The following TMPRSS11D variants were observed in gnomAD, a reference collection of about 807,000 sequenced individuals.
TMPRSS11D encodes the protein transmembrane protease serine 11D.
Under a neutral mutation model 44.4 loss-of-function variants are expected in TMPRSS11D, and 32 were observed. The observed-to-expected ratio is 0.72, with a 90% CI of 0.54 to 0.97. The LOEUF is 0.97. TMPRSS11D is among the 50% of genes least tolerant of loss of function. The probability of loss-of-function intolerance (pLI) is 0.00; values close to 1 mark genes in which losing one functional copy is unlikely to be tolerated. For synonymous variants in TMPRSS11D, 179 were observed against 177.9 expected (o/e 1.01, Z -0.05); for missense variants, 446 against 502.6 (o/e 0.89, Z 1.08).
At chr4:67,859,897 G>A (rs1718754670) in intron 1 of TMPRSS11D, among the ~76,000 whole-genome samples, 1 of 151,986 alleles carries the variant, frequency 6.6e-6, no homozygotes, top group Admixed American at 6.6e-5. Flanking sequence ...TGAAATTCAA[G>A]TAGTCTGATG....
At chr4:67,869,024 T>C (rs2109697906) in intron 1 of TMPRSS11D, among the ~76,000 whole-genome samples, 2 of 152,348 alleles carry the variant, frequency 1.3e-5, no homozygotes, top group Middle Eastern at 6.8e-3. Context: ...AGATTGAGCT[T>C]GCGTGACTGG....
chr4:67,836,919 C>A (rs1718104484), intron 5 of TMPRSS11D, among the ~76,000 whole-genome samples: 1 of 152,088 alleles, frequency 6.6e-6, no homozygotes, highest in South Asian at 2.1e-4. Flanking sequence ...AAATCCTACC[C>A]ATATTTCAAA....
At chr4:67,864,523 G>C (rs1718871675) in intron 1 of TMPRSS11D, among the ~76,000 whole-genome samples, 1 of 151,818 alleles carries the variant, frequency 6.6e-6, no homozygotes, top group Non-Finnish European at 1.5e-5. Context: ...CAATATGACA[G>C]AACTCCACCA....
intron 1 of TMPRSS11D, among the ~76,000 whole-genome samples, chr4:67,875,078 G>T (rs1256132411): frequency 6.6e-6 from 1 of 152,134 alleles, no homozygotes; most frequent in Non-Finnish European, 1.5e-5. Context: ...ATTGTCTTCA[G>T]AAACACAGGA....
At chr4:67,868,095 A>AATATATAT (rs923681603) in intron 1 of TMPRSS11D, among the ~76,000 whole-genome samples, 3 of 150,812 alleles carry the variant, frequency 2.0e-5, no homozygotes, top group African/African-American at 7.4e-5. Flanking sequence ...TAGATAGAGA[A>AATATATAT]ATATATATAT....
intron 1 of TMPRSS11D, among the ~76,000 whole-genome samples, chr4:67,867,187 A>T (rs915696040): frequency 1.3e-5 from 2 of 152,114 alleles, no homozygotes; most frequent in Admixed American, 6.6e-5. Context: ...ACTTACCTAC[A>T]GCCAACGGAC....
chr4:67,823,625 A>G (rs1461765957), intron 9 of TMPRSS11D, among the ~76,000 whole-genome samples: 1 of 152,142 alleles, frequency 6.6e-6, no homozygotes, highest in Non-Finnish European at 1.5e-5. Context: ...TTAGTCAGCT[A>G]TTCAGTTGGC....
intron 3 of TMPRSS11D, among the ~76,000 whole-genome samples, chr4:67,847,580 G>A (rs1414857438): frequency 1.3e-5 from 2 of 152,066 alleles, no homozygotes; most frequent in Non-Finnish European, 2.9e-5. Context: ...GCTGAAGCCT[G>A]GTCAGTCCCA....
Position 67,834,595 on chromosome 4 carries a change from T to C in TMPRSS11D, c.514+488A>G, listed in dbSNP as rs75338565. Among the ~76,000 whole-genome samples, 787 of 152,266 alleles carry C rather than the reference T, an allele frequency of 5.2e-3. 4 individuals carry two copies. The highest frequency in any genetic ancestry group is 0.018 in the African/African-American group (744 of 41,552). ...AGCCTGAGAGTACATAGGATGATGT[T>C]GAAGAGTAGTGACTTTTCCTTCAGG... is the stretch of plus-strand genomic sequence containing the variant. On this transcript the variant is annotated intron_variant, in intron 6 of 9. Coordinates refer to ENST00000283916, the MANE Select transcript of TMPRSS11D (RefSeq NM_004262.3).
intron 3 of TMPRSS11D, among the ~76,000 whole-genome samples, chr4:67,846,738 C>T (rs1718367412): frequency 6.6e-6 from 1 of 152,014 alleles, no homozygotes; most frequent in Non-Finnish European, 1.5e-5. Flanking sequence ...TATAGTTAAT[C>T]TTTTCTCCCA....
At chr4:67,878,937 A>G (rs558033460) in intron 1 of TMPRSS11D, among the ~76,000 whole-genome samples, 5 of 152,200 alleles carry the variant, frequency 3.3e-5, no homozygotes, top group African/African-American at 1.2e-4. Context: ...AAAAACATAT[A>G]TGGAGTAATT....
At position 67,855,434 on chromosome 4, in the gene TMPRSS11D, A is replaced by G. The variant is rs539227994; in HGVS notation, c.131-1248T>C. Among the ~76,000 whole-genome samples the G allele has an allele frequency of 7.9e-5, 12 of 152,294 alleles. No individual in the cohort carries two copies. In the East Asian group the frequency reaches 2.3e-3, roughly 29 times the overall value. On this transcript the variant is annotated intron_variant, in intron 2 of 9. Coordinates refer to ENST00000283916, the MANE Select transcript of TMPRSS11D (RefSeq NM_004262.3). ...ATATGCAAATCAATAAACTTAATAC[A>G]TCACATGAACAGAATGAAGACAAAA... is the stretch of plus-strand genomic sequence containing the variant.
At chr4:67,830,449 C>T (rs1204477414) in intron 7 of TMPRSS11D, among the ~76,000 whole-genome samples, 1 of 151,786 alleles carries the variant, frequency 6.6e-6, no homozygotes, top group Non-Finnish European at 1.5e-5. Flanking sequence ...AAAATGTTAC[C>T]GATAATACCA....
chr4:67,852,277 C>T (rs1718528002), intron 3 of TMPRSS11D, among the ~76,000 whole-genome samples: 1 of 152,140 alleles, frequency 6.6e-6, no homozygotes, highest in African/African-American at 2.4e-5. Context: ...CTGCCGGTTT[C>T]CATAGAGGAC....
At position 67,859,612 on chromosome 4, in the gene TMPRSS11D, T is replaced by C. The variant is rs1718745635; in HGVS notation, c.75A>G (p.Ala25=). Residue 25 remains alanine (A), a synonymous_variant, in exon 2 of 10, where the codon GCA becomes GCG. Transcript: ENST00000283916. ...TGGTGACTGCCAGGATCACTACCCCTGCGACGACAATGAAACATACTACAT... is the reference window on the plus strand; with the variant it reads ...TGGTGACTGCCAGGATCACTACCCCCGCGACGACAATGAAACATACTACAT... ...NPYVVCFIVV[A]GVVILAVTIA... The C allele has an allele frequency of 6.2e-7, 1 of 1,613,268 alleles. No individual in the cohort carries two copies. The highest frequency in any genetic ancestry group is 1.3e-5 in the African/African-American group (1 of 74,998).
Position 67,825,773 on chromosome 4 carries a change from G to T in TMPRSS11D, c.1054C>A (p.Leu352Met), listed in dbSNP as rs1245392713. The change falls in exon 9 of 10, where the codon CTG (leucine) becomes ATG (methionine). Residue 352 changes from leucine (L) to methionine (M), a missense_variant. Coordinates refer to ENST00000283916, the MANE Select transcript of TMPRSS11D (RefSeq NM_004262.3). Reference sequence around the variant, plus strand: ...CCACCTTGAGGTACTCCAGCACACAGCATTCCAGACAAGATGGCTCCATTA... The same window carrying T: ...CCACCTTGAGGTACTCCAGCACACATCATTCCAGACAAGATGGCTCCATTA... ...SYNGAILSGM[L>M]CAGVPQGGVD... The T allele has an allele frequency of 6.2e-7, 1 of 1,613,098 alleles. No homozygotes were observed. The highest frequency in any genetic ancestry group is 1.7e-5 in the Admixed American group (1 of 59,832).
In TMPRSS11D at chr4:67,854,850, A is replaced by G. The variant is rs150149079; in HGVS notation, c.131-664T>C. On this transcript the variant is annotated intron_variant, in intron 2 of 9. Coordinates refer to ENST00000283916, the MANE Select transcript of TMPRSS11D (RefSeq NM_004262.3). Reference sequence around the variant, plus strand: ...CTACCAAACCTTAAAAGAAGAACTAACATCAATTCTCCTCAAACTATTCAA... The same window carrying G: ...CTACCAAACCTTAAAAGAAGAACTAGCATCAATTCTCCTCAAACTATTCAA... Among the ~76,000 whole-genome samples the G allele has an allele frequency of 2.6e-3, 397 of 152,332 alleles. 5 individuals carry two copies. The highest frequency in any genetic ancestry group is 9.1e-3 in the African/African-American group (378 of 41,574).
intron 1 of TMPRSS11D, among the ~76,000 whole-genome samples, chr4:67,864,645 A>G (rs769013033): frequency 3.0e-4 from 45 of 151,986 alleles, no homozygotes; most frequent in Admixed American, 1.6e-3. Context: ...CTTACTGATA[A>G]AGGCACTTAT....
At chr4:67,868,515 A>T (rs1245164622) in intron 1 of TMPRSS11D, among the ~76,000 whole-genome samples, 1 of 152,226 alleles carries the variant, frequency 6.6e-6, no homozygotes, top group African/African-American at 2.4e-5. Context: ...CATGTGAGCT[A>T]TGCCTTGAAA....
Sources: allele counts gnomAD v4.1 joint callset (sites outside exome capture counted in the v4.1 genomes callset), GRCh38; gene constraint gnomAD v4.1.1; transcripts MANE v1.5; gene names NCBI Gene and HGNC (gene_info 2026-07-23, HGNC 2026-07-21).